Variants in ARHGAP15 observed in about 807,000 individuals in gnomAD.
The protein encoded by ARHGAP15 is rho GTPase-activating protein 15.
Under a neutral mutation model 63.7 loss-of-function variants are expected in ARHGAP15, and 51 were observed. The observed-to-expected ratio is 0.80, with a 90% CI of 0.64 to 1.01. The LOEUF is 1.01. Among genes scored for constraint, ARHGAP15 ranks in the 50% least tolerant of loss-of-function variants. The probability of loss-of-function intolerance (pLI) is 0.00; values close to 1 mark genes in which losing one functional copy is unlikely to be tolerated. For missense variants in ARHGAP15, 560 were observed against 564.6 expected (o/e 0.99, Z 0.08); for synonymous variants, 191 against 193.8 (o/e 0.99, Z 0.12).
chr2:143,139,871 C>T (rs1376846677), intron 1 of ARHGAP15, among the ~76,000 whole-genome samples: 3 of 152,046 alleles, frequency 2.0e-5, no homozygotes, highest in Non-Finnish European at 4.4e-5. Flanking sequence ...CTTGCTAGAT[C>T]CTGTATGATA....
intron 6 of ARHGAP15, among the ~76,000 whole-genome samples, chr2:143,348,838 C>T (rs542780415): frequency 6.6e-6 from 1 of 152,232 alleles, no homozygotes; most frequent in African/African-American, 2.4e-5. Context: ...CTGAAAATGC[C>T]AGATCCTTTT....
chr2:143,279,326 T>A (rs1358839258), intron 6 of ARHGAP15, among the ~76,000 whole-genome samples: 2 of 152,172 alleles, frequency 1.3e-5, no homozygotes. Flanking sequence ...TTTCAAGTAT[T>A]GCGTCTGATG....
At chr2:143,277,078 A>AT (rs1371839615) in intron 6 of ARHGAP15, among the ~76,000 whole-genome samples, 5 of 151,886 alleles carry the variant, frequency 3.3e-5, no homozygotes, top group Non-Finnish European at 7.4e-5. Context: ...TGTGATTGTC[A>AT]TTTGTGTTTT....
chr2:143,155,712 G>GAA (rs77561979), intron 2 of ARHGAP15, 57 bp downstream of exon 2: 37 of 1,327,400 alleles, frequency 2.8e-5, no homozygotes, highest in Middle Eastern at 2.0e-4. Context: ...TTTGTAAAAG[G>GAA]AAAAAAAAAA....
intron 1 of ARHGAP15, among the ~76,000 whole-genome samples, chr2:143,133,859 T>A (rs1689007187): frequency 6.6e-6 from 1 of 152,156 alleles, no homozygotes; most frequent in South Asian, 2.1e-4. Context: ...TATATGCACA[T>A]CTATGTGTGT....
At chr2:143,437,144 C>T in intron 8 of ARHGAP15, 102 bp downstream of exon 8, 1 of 1,318,628 alleles carries the variant, frequency 7.6e-7, no homozygotes, top group Non-Finnish European at 1.0e-6. Flanking sequence ...TCATCATACT[C>T]ATGGAAGATT....
chr2:143,459,250 T>C (rs1008600665), intron 8 of ARHGAP15, among the ~76,000 whole-genome samples: 1 of 151,978 alleles, frequency 6.6e-6, no homozygotes, highest in Non-Finnish European at 1.5e-5. Flanking sequence ...TGCAAAGATT[T>C]GTTTTTGCCA....
chr2:143,291,276 G>A (rs1682385773), intron 6 of ARHGAP15, among the ~76,000 whole-genome samples: 1 of 151,958 alleles, frequency 6.6e-6, no homozygotes, highest in African/African-American at 2.4e-5. Context: ...TATTTTGGGG[G>A]GTACTTGGGG....
chr2:143,481,584 T>A (rs1692082307), intron 8 of ARHGAP15, among the ~76,000 whole-genome samples: 3 of 152,136 alleles, frequency 2.0e-5, no homozygotes, highest in African/African-American at 7.2e-5. Context: ...GGGTTTTCTT[T>A]TTTGGTTCCC....
At chr2:143,496,740 C>T (rs914721184) in intron 9 of ARHGAP15, among the ~76,000 whole-genome samples, 1 of 152,170 alleles carries the variant, frequency 6.6e-6, no homozygotes, top group Non-Finnish European at 1.5e-5. Context: ...CCAGATAATA[C>T]CAGGCTTCAG....
chr2:143,274,062 C>G (rs1037078672), intron 6 of ARHGAP15, among the ~76,000 whole-genome samples: 2 of 152,090 alleles, frequency 1.3e-5, no homozygotes, highest in Admixed American at 1.3e-4. Context: ...CACTACTTAT[C>G]CTTTAAAATT....
At chr2:143,368,615 A>G (rs1686405302) in intron 6 of ARHGAP15, among the ~76,000 whole-genome samples, 1 of 152,030 alleles carries the variant, frequency 6.6e-6, no homozygotes, top group South Asian at 2.1e-4. Flanking sequence ...TAATAATATC[A>G]ATGAGACAGA....
intron 1 of ARHGAP15, among the ~76,000 whole-genome samples, chr2:143,154,972 G>A (rs553634707): frequency 6.6e-5 from 10 of 151,986 alleles, no homozygotes; most frequent in Middle Eastern, 3.4e-3. Context: ...TGAGTATTGT[G>A]AGTGGGGGTA....
At chr2:143,306,166 T>C (rs568665120) in intron 6 of ARHGAP15, among the ~76,000 whole-genome samples, 2 of 152,120 alleles carry the variant, frequency 1.3e-5, no homozygotes, top group Admixed American at 6.6e-5. Context: ...GGCACATCTC[T>C]TCAAATGAAA....
intron 6 of ARHGAP15, among the ~76,000 whole-genome samples, chr2:143,294,096 GAATTCCTACTC>G (rs1682527654): frequency 6.6e-6 from 1 of 151,900 alleles, no homozygotes. Flanking sequence ...CCCCATAACT[GAATTCCTACTC>G]AATAAGCACC....
At chr2:143,275,584 A>C (rs1178147009) in intron 6 of ARHGAP15, among the ~76,000 whole-genome samples, 1 of 152,214 alleles carries the variant, frequency 6.6e-6, no homozygotes, top group Admixed American at 6.5e-5. Context: ...CTTACTTGAA[A>C]AGATCCAGTG....
chr2:143,276,655 A>G (rs1681567772), intron 6 of ARHGAP15, among the ~76,000 whole-genome samples: 1 of 152,106 alleles, frequency 6.6e-6, no homozygotes, highest in Non-Finnish European at 1.5e-5. Context: ...TCTTCTGGCC[A>G]GGTGTGGCAG....
chr2:143,354,729 G>A (rs1247039509), intron 6 of ARHGAP15, among the ~76,000 whole-genome samples: 2 of 152,004 alleles, frequency 1.3e-5, no homozygotes, highest in Non-Finnish European at 2.9e-5. Flanking sequence ...TCACAGTCGC[G>A]CCTGGAACGA....
At chr2:143,763,612 CAT>C (rs1686838947) in intron 13 of ARHGAP15, among the ~76,000 whole-genome samples, 1 of 150,050 alleles carries the variant, frequency 6.7e-6, no homozygotes, top group Non-Finnish European at 1.5e-5. Flanking sequence ...TAATAAATTG[CAT>C]ATATATAAAT....
Sources: gnomAD v4.1 joint callset for allele counts (sites outside exome capture counted in the v4.1 genomes callset) on GRCh38, gnomAD v4.1.1 for gene constraint, MANE v1.5 for transcripts, NCBI Gene and HGNC (gene_info 2026-07-23, HGNC 2026-07-21) for gene names.